Variants in LGR4 observed in about 807,000 individuals in gnomAD.
LGR4 encodes leucine rich repeat containing G protein-coupled receptor 4.
LGR4 carries 44 observed loss-of-function variants against 84.8 expected under a neutral mutation model. The observed-to-expected ratio is 0.52, with a 90% CI of 0.41 to 0.67. The LOEUF is 0.67. LGR4 is among the 30% of genes least tolerant of loss of function. The probability of loss-of-function intolerance (pLI) is 0.00; values close to 1 mark genes in which losing one functional copy is unlikely to be tolerated. For missense variants in LGR4, 1,032 were observed against 1,131.4 expected, an observed-to-expected ratio of 0.91 and a Z score of 1.26; for synonymous variants, 429 against 434.3, an observed-to-expected ratio of 0.99 and a Z score of 0.15.
intron 9 of LGR4, 138 bp downstream of exon 9, chr11:27,380,502 A>G: frequency 4.0e-6 from 3 of 751,854 alleles, no homozygotes; most frequent in Non-Finnish European, 6.4e-6. Context: ...TCACAAAAAT[A>G]AGAACAATTA....
intron 1 of LGR4, among the ~76,000 whole-genome samples, chr11:27,419,057 A>T (rs558158505): frequency 6.6e-6 from 1 of 152,174 alleles, no homozygotes; most frequent in East Asian, 1.9e-4. Flanking sequence ...AGGCTGGTAA[A>T]ACCTCTACTT....
chr11:27,398,353 A>G (rs1863429340), intron 2 of LGR4, among the ~76,000 whole-genome samples: 1 of 152,238 alleles, frequency 6.6e-6, no homozygotes, highest in African/African-American at 2.4e-5. Flanking sequence ...AGCAGCTTAA[A>G]AAACAAGAGA....
At chr11:27,379,975 T>C (rs140916086) in intron 10 of LGR4, among the ~76,000 whole-genome samples, 1 of 152,350 alleles carries the variant, frequency 6.6e-6, no homozygotes, top group African/African-American at 2.4e-5. Flanking sequence ...CCTTCTGTGA[T>C]AGTCTACATC....
intron 11 of LGR4, 88 bp from the exon 12 acceptor site, chr11:27,377,311 CTAAGA>C (rs1863003776): frequency 6.0e-6 from 4 of 667,318 alleles, no homozygotes; most frequent in Non-Finnish European, 1.0e-5. Flanking sequence ...GAAAGCAGAG[CTAAGA>C]TAAGTAATAA....
intron 16 of LGR4, among the ~76,000 whole-genome samples, chr11:27,371,909 G>A (rs1862891160): frequency 6.6e-6 from 1 of 152,070 alleles, no homozygotes; most frequent in African/African-American, 2.4e-5. Flanking sequence ...GCCCAGTCTG[G>A]AATGCATTGG....
chr11:27,398,827 C>G (rs1863440523), intron 2 of LGR4, among the ~76,000 whole-genome samples: 1 of 152,162 alleles, frequency 6.6e-6, no homozygotes, highest in South Asian at 2.1e-4. Flanking sequence ...CTGAAAAGTA[C>G]TTCGAGCACC....
chr11:27,370,443 C>CA (rs949658975), intron 17 of LGR4, among the ~76,000 whole-genome samples: 3 of 152,088 alleles, frequency 2.0e-5, no homozygotes, highest in Admixed American at 1.3e-4. Flanking sequence ...GTTACTTTTC[C>CA]AAAAAAGCCT....
At chr11:27,380,141 C>T in intron 10 of LGR4, 130 bp downstream of exon 10, 2 of 554,870 alleles carry the variant, frequency 3.6e-6, no homozygotes, top group Middle Eastern at 2.9e-4. Flanking sequence ...CTTCTCCATG[C>T]ATGATATATA....
At chr11:27,413,957 C>A (rs1863762932) in intron 1 of LGR4, among the ~76,000 whole-genome samples, 1 of 152,082 alleles carries the variant, frequency 6.6e-6, no homozygotes, top group South Asian at 2.1e-4. Flanking sequence ...GAATCTACAT[C>A]CTTTCTTACT....
At chr11:27,392,148 C>A (rs1225576089) in intron 3 of LGR4, among the ~76,000 whole-genome samples, 1 of 152,084 alleles carries the variant, frequency 6.6e-6, no homozygotes, top group African/African-American at 2.4e-5. Flanking sequence ...AGAAACAAAA[C>A]CCTACCAGTA....
intron 10 of LGR4, chr11:27,379,032 C>G (rs905967938): frequency 1.1e-5 from 5 of 462,700 alleles, no homozygotes; most frequent in Non-Finnish European, 1.5e-5. Flanking sequence ...GAGGAAAACA[C>G]TAATCTACAG....
At chr11:27,393,920 A>C (rs1324944126) in intron 2 of LGR4, among the ~76,000 whole-genome samples, 1 of 80,144 alleles carries the variant, frequency 1.2e-5, no homozygotes, top group Non-Finnish European at 2.2e-5. Context: ...ATTAACACAG[A>C]GGCGATTGCA....
chr11:27,442,045 A>G (rs72889548), intron 1 of LGR4, among the ~76,000 whole-genome samples: 8,810 of 152,312 alleles, frequency 0.058, 339 homozygotes, highest in Non-Finnish European at 0.089. Context: ...AATCAATCCT[A>G]TTCTCTTAAC....
At chr11:27,379,733 A>C (rs1350777932) in intron 10 of LGR4, among the ~76,000 whole-genome samples, 3 of 152,122 alleles carry the variant, frequency 2.0e-5, no homozygotes, top group Non-Finnish European at 4.4e-5. Context: ...GCCACAACCA[A>C]ATGTGCAACG....
In LGR4 at chr11:27,381,867, C is replaced by G. The variant is rs373571639; in HGVS notation, c.758+321G>C. Among the ~76,000 whole-genome samples, 7 of 152,272 alleles carry G rather than the reference C, an allele frequency of 4.6e-5. No homozygotes were observed. The East Asian group carries it at 1.3e-3, about 29-fold the overall frequency. ...GAATGATTTATTTATCCTATTCATT[C>G]AGCATTTATTTCTACCTAGAAACAG... On this transcript the variant is annotated intron_variant, in intron 7 of 17. Coordinates refer to ENST00000379214, the MANE Select transcript of LGR4 (RefSeq NM_018490.5).
intron 2 of LGR4, among the ~76,000 whole-genome samples, chr11:27,400,704 T>G (rs1283248567): frequency 6.6e-6 from 1 of 152,088 alleles, no homozygotes; most frequent in Non-Finnish European, 1.5e-5. Context: ...AGTTTCACCA[T>G]GTTGGCCAGG....
In LGR4 at chr11:27,368,802, C is replaced by T. The variant is rs1862825864; in HGVS notation, c.1921G>A (p.Val641Ile). The T allele has an allele frequency of 1.2e-6, 2 of 1,613,998 alleles. No individual in the cohort carries two copies. Among genetic ancestry groups the T allele is most frequent in the South Asian group, 1.1e-5 (1 of 91,080 alleles). ...TCTTTTGCAGATAAGCTTCTTTCGA[C>T]AGTTGCTAGCATTAATAAAAATATG... ...SAIFLLMLAT[V>I]ERSLSAKDIM... Residue 641 changes from valine to isoleucine, a missense_variant, in exon 18 of 18, where the codon GTC (valine) becomes ATC (isoleucine). By Grantham distance (29) the Val-to-Ile change is conservative. Coordinates refer to ENST00000379214, the MANE Select transcript of LGR4 (RefSeq NM_018490.5).
chr11:27,443,458 C>T (rs1158924726), intron 1 of LGR4, among the ~76,000 whole-genome samples: 1 of 152,134 alleles, frequency 6.6e-6, no homozygotes, highest in Non-Finnish European at 1.5e-5. Flanking sequence ...ACTCTGTTTT[C>T]CCCTAATTAC....
intron 1 of LGR4, among the ~76,000 whole-genome samples, chr11:27,467,833 T>TA (rs1864807911): frequency 6.6e-6 from 1 of 152,186 alleles, no homozygotes; most frequent in African/African-American, 2.4e-5. Flanking sequence ...GACCTATACT[T>TA]AAAGATATTC....
Sources: allele counts gnomAD v4.1 joint callset (sites outside exome capture counted in the v4.1 genomes callset), GRCh38; gene constraint gnomAD v4.1.1; transcripts MANE v1.5; gene names NCBI Gene and HGNC (gene_info 2026-07-23, HGNC 2026-07-21).